The following ZC3HAV1 variants were observed in gnomAD, a reference collection of about 807,000 sequenced individuals.
The protein encoded by ZC3HAV1 is zinc finger CCCH-type antiviral protein 1.
ZC3HAV1 carries 41 observed loss-of-function variants against 86.6 expected under a neutral mutation model. That is an observed-to-expected ratio of 0.47 (90% CI 0.37 to 0.61). The LOEUF is 0.61. ZC3HAV1 is among the 20% of genes least tolerant of loss of function. The pLI, the probability that ZC3HAV1 is intolerant of heterozygous loss-of-function variation, is 0.00. For synonymous variants in ZC3HAV1, 421 were observed against 432.1 expected, an observed-to-expected ratio of 0.97 and a Z score of 0.32; for missense variants, 964 against 1,141.1, an observed-to-expected ratio of 0.84 and a Z score of 2.24.
At position 139,080,239 on chromosome 7, in the gene ZC3HAV1, A is replaced by C; in HGVS notation, c.702T>G (p.Pro234=). The C allele has an allele frequency of 6.2e-7, 1 of 1,613,498 alleles. No individual in the cohort carries two copies. The highest frequency in any genetic ancestry group is 8.5e-7 in the Non-Finnish European group (1 of 1,180,026). The stretch of plus-strand genomic sequence containing the variant: ...ATGCCATGTTTCTACGATGTGAAGA[A>C]GGAGCTAAGGGGAAAAAAAGCCAAA... ...MQKNPPGPRA[P]SSHRRNMAYR... The change falls in exon 4 of 13, where the codon CCT becomes CCG. Residue 234 remains proline, a synonymous_variant. Coordinates refer to ENST00000242351, the MANE Select transcript of ZC3HAV1 (RefSeq NM_020119.4).
intron 4 of ZC3HAV1, chr7:139,079,168 G>T (rs1309534933): frequency 6.5e-7 from 1 of 1,536,220 alleles, no homozygotes; most frequent in Admixed American, 2.0e-5. Flanking sequence ...CCTGGGTGCA[G>T]TTCTGCCCTT....
Position 139,044,183 on chromosome 7 carries a change from A to G in ZC3HAV1, c.*3411T>C, listed in dbSNP as rs1001347355. 4 of 152,202 alleles carry G rather than the reference A, an allele frequency of 2.6e-5. No individual in the cohort carries two copies. The highest frequency in any genetic ancestry group is 2.6e-4 in the Admixed American group (4 of 15,280). The allele number at this position is 152,202 out of a possible 1,614,324, so 9.4% of individuals were successfully genotyped here. A position where few individuals can be genotyped will look rare whatever the true frequency, so the allele number is the denominator to read the frequency against. ...TGTCTTGTCCTATTATCCTTAAGTA[A>G]GGTAATTTCGCTCTTTCTTTTCCCA... On this transcript the variant is annotated 3_prime_UTR_variant, in exon 13 of 13. Transcript: ENST00000242351.
At chr7:139,079,086 T>C in intron 4 of ZC3HAV1, 2 of 1,535,686 alleles carry the variant, frequency 1.3e-6, no homozygotes, top group East Asian at 2.4e-5. Context: ...GAGGCCCCTT[T>C]GTCCTTCAGT....
intron 8 of ZC3HAV1, 91 bp downstream of exon 8, chr7:139,064,788 T>C: frequency 1.3e-6 from 2 of 1,594,684 alleles, no homozygotes; most frequent in Non-Finnish European, 8.6e-7. Flanking sequence ...ACCCTGGCCA[T>C]AGCAATGCAT....
intron 7 of ZC3HAV1, among the ~76,000 whole-genome samples, chr7:139,070,365 G>T (rs1203451714): frequency 2.6e-5 from 4 of 152,116 alleles, no homozygotes; most frequent in Admixed American, 1.3e-4. Flanking sequence ...CGAGAACTTT[G>T]TATTAAAAAC....
At chr7:139,053,905 C>T (rs894876759) in intron 11 of ZC3HAV1, 60 bp downstream of exon 11, 16 of 1,547,646 alleles carry the variant, frequency 1.0e-5, no homozygotes, top group Middle Eastern at 1.9e-4. Context: ...TCTCAAAGGA[C>T]GGATATTAAC....
chr7:139,065,425 G>A (rs997173779), intron 7 of ZC3HAV1, among the ~76,000 whole-genome samples: 7 of 152,214 alleles, frequency 4.6e-5, no homozygotes, highest in Non-Finnish European at 7.3e-5. Context: ...TACAGTAGTC[G>A]TGAAGGGAAG....
intron 7 of ZC3HAV1, among the ~76,000 whole-genome samples, chr7:139,070,329 C>G (rs1336067026): frequency 6.6e-6 from 1 of 152,106 alleles, no homozygotes; most frequent in Non-Finnish European, 1.5e-5. Context: ...AAAAACTCTA[C>G]AGCTAACACA....
At chr7:139,078,696 T>C in intron 4 of ZC3HAV1, 43 bp from the exon 5 acceptor site, 5 of 1,434,246 alleles carry the variant, frequency 3.5e-6, no homozygotes, top group Non-Finnish European at 4.7e-6. Context: ...TCTTAATGTT[T>C]AAACCAAAAA....
chr7:139,047,750 A>G lies in ZC3HAV1; in HGVS notation c.2553T>C (p.Thr851=). Residue 851 remains threonine, a synonymous_variant, in exon 13 of 13, where the codon ACT becomes ACC. Coordinates refer to ENST00000242351, the MANE Select transcript of ZC3HAV1 (RefSeq NM_020119.4). ...GGCTCGTGTACGTTATATTTCCTTC[A>G]GTAAACTTTCCAACCAGAACTTGGG... ...FVAQVLVGKF[T]EGNITYTSPP... 6.2e-7 allele frequency: 1 copy of G among 1,614,216 alleles called. No homozygotes were observed. The highest frequency in any genetic ancestry group is 8.5e-7 in the Non-Finnish European group (1 of 1,180,048).
intron 7 of ZC3HAV1, among the ~76,000 whole-genome samples, chr7:139,068,421 GTGATCGTCTTGCACCTGC>G (rs1472986568): frequency 1.3e-5 from 2 of 152,170 alleles, no homozygotes; most frequent in South Asian, 2.1e-4. Flanking sequence ...GAAGGTCAGA[GTGATCGTCTTGCACCTGC>G]TGTTTTTCAA....
chr7:139,061,117 G>C lies in ZC3HAV1; in HGVS notation c.2015C>G (p.Ala672Gly). 5 of 1,613,610 alleles carry C rather than the reference G, an allele frequency of 3.1e-6. No homozygotes were observed. The highest frequency in any genetic ancestry group is 4.2e-6 in the Non-Finnish European group (5 of 1,179,940). Residue 672 changes from alanine to glycine, a missense_variant, in exon 9 of 13, where the codon GCT (alanine) becomes GGT (glycine). Coordinates refer to ENST00000242351, the MANE Select transcript of ZC3HAV1 (RefSeq NM_020119.4). ...SFQGMIQTNIASKTQKDVIRR... is the reference protein window; with the variant it reads ...SFQGMIQTNIGSKTQKDVIRR... ...GATGACATCCTTTTGAGTTTTGGAAGCTATGTTTGTCTGAATCATCCCTTT... is the reference window on the plus strand; with the variant it reads ...GATGACATCCTTTTGAGTTTTGGAACCTATGTTTGTCTGAATCATCCCTTT...
intron 9 of ZC3HAV1, among the ~76,000 whole-genome samples, chr7:139,055,944 T>C (rs745317445): frequency 6.6e-6 from 1 of 152,182 alleles, no homozygotes; most frequent in Non-Finnish European, 1.5e-5. Flanking sequence ...CAGACTGGAA[T>C]GACCTGAACC....
At chr7:139,104,608 A>T (rs1817871998) in intron 1 of ZC3HAV1, among the ~76,000 whole-genome samples, 1 of 151,268 alleles carries the variant, frequency 6.6e-6, no homozygotes, top group Admixed American at 6.6e-5. Context: ...CTGTAGTCCC[A>T]GCTACGCGGG....
rs768937593 is a variant in ZC3HAV1, at chr7:139,079,542, G to T, written c.1399C>A (p.Pro467Thr). The T allele has an allele frequency of 5.6e-6, 9 of 1,614,154 alleles. No homozygotes were observed. In the South Asian group the frequency reaches 9.9e-5, roughly 18 times the overall value. The change falls in exon 4 of 13, where the codon CCT becomes ACT. Residue 467 changes from proline (P) to threonine (T), a missense_variant. Physicochemically the swap from Pro to Thr is conservative, Grantham distance 38. Transcript: ENST00000242351. ...GTGGCCTGGACATCTCGGGAAGCAG[G>T]TCCAGCATCCTGAATCCTAGGTGAT... ...ISSPRIQDAG[P>T]ASRDVQATGR...
intron 1 of ZC3HAV1, among the ~76,000 whole-genome samples, chr7:139,097,092 C>A (rs573883029): frequency 6.6e-6 from 1 of 151,268 alleles, no homozygotes; most frequent in African/African-American, 2.4e-5. Context: ...GAGCAGAGAT[C>A]GTGCCACTGC....
intron 9 of ZC3HAV1, chr7:139,060,651 G>A: frequency 9.2e-7 from 1 of 1,085,368 alleles, no homozygotes; most frequent in East Asian, 7.2e-5. Context: ...GACCAGCCTG[G>A]GCAACAAAGT....
At position 139,108,381 on chromosome 7, in the gene ZC3HAV1, G is replaced by T. The variant is rs4732356; in HGVS notation, c.308+643C>A. 0.28 allele frequency among the ~76,000 whole-genome samples: 42,303 copies of T among 151,792 alleles called. 6,547 individuals carry two copies. Among genetic ancestry groups the T allele is most frequent in the East Asian group, 0.44 (2,275 of 5,162 alleles). ...TCCCAAGGCAGGCGGTCAACTGCGC[G>T]CGCCACCGTAGAGAGACCACCCGGA... On this transcript the variant is annotated intron_variant, in intron 1 of 12. Transcript: ENST00000242351. This position sits in a 1 kb window ranked among gnomAD's most constrained non-coding sequence, Gnocchi z 4.2.
chr7:139,069,004 A>G (rs905979313), intron 7 of ZC3HAV1, among the ~76,000 whole-genome samples: 6 of 152,212 alleles, frequency 3.9e-5, no homozygotes, highest in Non-Finnish European at 5.9e-5. Context: ...TGGGTCAATT[A>G]CCAGGTGTTT....
Sources: gnomAD v4.1 joint callset for allele counts (sites outside exome capture counted in the v4.1 genomes callset) on GRCh38, gnomAD v4.1.1 for gene constraint, Gnocchi (gnomAD v3.1) non-coding constraint, MANE v1.5 for transcripts, NCBI Gene and HGNC (gene_info 2026-07-23, HGNC 2026-07-21) for gene names.